Variants in TXNDC16 observed in about 807,000 individuals in gnomAD.
TXNDC16 encodes thioredoxin domain-containing protein 16.
In TXNDC16, 74 loss-of-function variants were observed where a neutral mutation model predicts 85.6. That is an observed-to-expected ratio of 0.86 (90% CI 0.72 to 1.05). The LOEUF (loss-of-function observed/expected upper bound fraction) is 1.05. Ranked by LOEUF, TXNDC16 falls within the 50% of genes least tolerant of loss-of-function variation. The probability of loss-of-function intolerance (pLI) is 0.00; values close to 1 mark genes in which losing one functional copy is unlikely to be tolerated. For missense variants in TXNDC16, 959 were observed against 947.0 expected, an observed-to-expected ratio of 1.01 and a Z score of -0.17; for synonymous variants, 335 against 326.5, an observed-to-expected ratio of 1.03 and a Z score of -0.28.
chr14:52,481,775 C>A (rs1216388803), intron 14 of TXNDC16, among the ~76,000 whole-genome samples: 1 of 152,040 alleles, frequency 6.6e-6, no homozygotes, highest in Non-Finnish European at 1.5e-5. Context: ...ATAAAAAGAT[C>A]CTGGATATTA....
At chr14:52,516,902 T>TCATAATCCTTGGGATTATGA (rs2037095961) in intron 7 of TXNDC16, among the ~76,000 whole-genome samples, 1 of 152,110 alleles carries the variant, frequency 6.6e-6, no homozygotes, top group African/African-American at 2.4e-5. Context: ...ACTACTCCTG[T>TCATAATCCTTGGGATTATGA]CATAATCCTT....
chr14:52,461,001 A>C (rs2035640156), intron 16 of TXNDC16, among the ~76,000 whole-genome samples: 1 of 151,644 alleles, frequency 6.6e-6, no homozygotes, highest in South Asian at 2.1e-4. Context: ...TTGTAATCTC[A>C]TAACAATTTT....
Position 52,432,219 on chromosome 14 carries a change from C to G in TXNDC16, c.*85G>C. 7.7e-7 allele frequency: 1 copy of G among 1,291,924 alleles called. No homozygotes were observed. The allele number at this position is 1,291,924 out of a possible 1,614,324, so 80.0% of individuals were successfully genotyped here. A position where few individuals can be genotyped will look rare whatever the true frequency, so the allele number is the denominator to read the frequency against. On this transcript the variant is annotated 3_prime_UTR_variant, in exon 21 of 21. Coordinates refer to ENST00000281741, the MANE Select transcript of TXNDC16 (RefSeq NM_020784.3). Reference sequence around the variant, plus strand: ...CTATTGGATGGCACTAGTCTGCAAACTTGAAATGATTTAATATTATTCTTT... The same window carrying G: ...CTATTGGATGGCACTAGTCTGCAAAGTTGAAATGATTTAATATTATTCTTT...
intron 12 of TXNDC16, among the ~76,000 whole-genome samples, chr14:52,486,597 C>T (rs373874864): frequency 1.2e-4 from 18 of 152,082 alleles, no homozygotes; most frequent in African/African-American, 4.1e-4. Flanking sequence ...GTGCACCTGT[C>T]TCTGATTTAC....
intron 6 of TXNDC16, among the ~76,000 whole-genome samples, chr14:52,530,232 C>CATATAATAATATACAATATATATT (rs1566581731): frequency 5.0e-5 from 2 of 40,068 alleles, no homozygotes; most frequent in African/African-American, 2.8e-4. Flanking sequence ...TATAATATTA[C>CATATAATAATATACAATATATATT]ATATAATAAT....
intron 18 of TXNDC16, among the ~76,000 whole-genome samples, chr14:52,447,694 T>TA (rs2140108056): frequency 6.6e-6 from 1 of 152,018 alleles, no homozygotes; most frequent in South Asian, 2.1e-4. Flanking sequence ...ATGAACCAAA[T>TA]AAGACACCAG....
intron 9 of TXNDC16, among the ~76,000 whole-genome samples, chr14:52,495,565 G>A (rs184093609): frequency 2.1e-4 from 32 of 152,302 alleles, no homozygotes; most frequent in Admixed American, 2.0e-4. Flanking sequence ...ATGATAAGGG[G>A]AGCTTATGGG....
rs1354213858 is a variant in TXNDC16, at chr14:52,492,442, A to G, written c.757-1437T>C. On this transcript the variant is annotated intron_variant, in intron 9 of 20. Transcript: ENST00000281741. ...TGCCTAAGAGACATAGACTTCTGCC[A>G]CTGCTACCCGCACCTTCTCTACCTT... Among the ~76,000 whole-genome samples, 11 of 152,140 alleles carry G rather than the reference A, an allele frequency of 7.2e-5. No individual in the cohort carries two copies. The East Asian group carries it at 1.9e-3, about 27-fold the overall frequency.
intron 12 of TXNDC16, among the ~76,000 whole-genome samples, chr14:52,484,860 G>A (rs552551145): frequency 5.3e-5 from 8 of 151,810 alleles, no homozygotes; most frequent in African/African-American, 1.2e-4. Context: ...CAGCCTGGGC[G>A]ACAAAAGTGA....
chr14:52,485,253 A>G (rs997055438), intron 12 of TXNDC16, among the ~76,000 whole-genome samples: 1 of 152,274 alleles, frequency 6.6e-6, no homozygotes, highest in Non-Finnish European at 1.5e-5. Context: ...CGTAAAACAT[A>G]AAAGTTTTAA....
At chr14:52,527,399 T>G (rs759098133) in intron 6 of TXNDC16, among the ~76,000 whole-genome samples, 1 of 152,210 alleles carries the variant, frequency 6.6e-6, no homozygotes, top group Non-Finnish European at 1.5e-5. Context: ...CACAGAAGTA[T>G]TCTACGTTTT....
At chr14:52,467,421 T>A (rs1902865) in intron 16 of TXNDC16, among the ~76,000 whole-genome samples, 61,648 of 151,936 alleles carry the variant, frequency 0.41, 13,005 homozygotes, top group African/African-American at 0.52. Context: ...TAACCCAATT[T>A]AAAAACAGGC....
chr14:52,470,647 C>T lies in TXNDC16; in HGVS notation c.1346G>A (p.Cys449Tyr), dbSNP rs1384877629. The T allele has an allele frequency of 6.2e-7, 1 of 1,612,182 alleles. No homozygotes were observed. The highest frequency in any genetic ancestry group is 1.1e-5 in the South Asian group (1 of 90,540). Reference sequence around the variant, plus strand: ...AGTACATACATCAGACCAATCTGCACAGTTTATTCTAGTAAGAAGCATAGT... The same window carrying T: ...AGTACATACATCAGACCAATCTGCATAGTTTATTCTAGTAAGAAGCATAGT... Reference protein sequence around the residue: ...TSTMLLTRINCADWSDVCTKQ... With the variant: ...TSTMLLTRINYADWSDVCTKQ... The change falls in exon 15 of 21, where the codon TGT (cysteine) becomes TAT (tyrosine). Residue 449 changes from cysteine to tyrosine, a missense_variant. Cys to Tyr is a radical substitution (Grantham distance 194). Coordinates refer to ENST00000281741, the MANE Select transcript of TXNDC16 (RefSeq NM_020784.3).
At chr14:52,471,515 C>T (rs1218331881) in intron 14 of TXNDC16, among the ~76,000 whole-genome samples, 1 of 152,194 alleles carries the variant, frequency 6.6e-6, no homozygotes, top group African/African-American at 2.4e-5. Context: ...CAGTGATCTA[C>T]ATCAGGTTCC....
At chr14:52,504,597 T>C (rs1157531776) in intron 9 of TXNDC16, among the ~76,000 whole-genome samples, 1 of 152,154 alleles carries the variant, frequency 6.6e-6, no homozygotes, top group Non-Finnish European at 1.5e-5. Flanking sequence ...GAACAACCGG[T>C]ACCAGCCACT....
At chr14:52,483,614 T>C (rs1452660115) in intron 12 of TXNDC16, among the ~76,000 whole-genome samples, 2 of 152,184 alleles carry the variant, frequency 1.3e-5, no homozygotes, top group Non-Finnish European at 2.9e-5. Context: ...GAGAAAACTC[T>C]AGGCTAGGCA....
rs1566582585 is a variant in TXNDC16 at position 52,530,423 on chromosome 14, AT to A, written c.392+6295del. Among the ~76,000 whole-genome samples the A allele has an allele frequency of 7.0e-3, 70 of 10,056 alleles. 14 individuals carry two copies. The highest frequency in any genetic ancestry group is 0.042 in the African/African-American group (65 of 1,540). The allele number at this position is 10,056 out of a possible 152,430, so 6.6% of individuals were successfully genotyped here. ...TAATATATAATTATTATATAATATTATATATAATAATATATAATATATTATT... is the reference window on the plus strand; with the variant it reads ...TAATATATAATTATTATATAATATTAATATAATAATATATAATATATTATT... On this transcript the variant is annotated intron_variant, in intron 6 of 20. Transcript: ENST00000281741.
At chr14:52,496,064 G>T (rs1415545724) in intron 9 of TXNDC16, among the ~76,000 whole-genome samples, 1 of 151,918 alleles carries the variant, frequency 6.6e-6, no homozygotes, top group East Asian at 1.9e-4. Flanking sequence ...GGAGGCTGAG[G>T]CAGGAGAATG....
In TXNDC16 at chr14:52,491,012, TGAA is replaced by T. The variant is rs1566557409; in HGVS notation, c.757-10_757-8del. ...GATCTTCAGCAACTTCAGTCTTCAT[TGAA>T]AAAAAAAAAAAAAAAAGGTGTGATA... On this transcript the variant is annotated splice_region_variant and splice_polypyrimidine_tract_variant and intron_variant, in intron 9 of 20. Coordinates refer to ENST00000281741, the MANE Select transcript of TXNDC16 (RefSeq NM_020784.3). The T allele has an allele frequency of 4.4e-6, 6 of 1,369,858 alleles. No homozygotes were observed. The highest frequency in any genetic ancestry group is 3.1e-5 in the Admixed American group (1 of 31,964). The allele number at this position is 1,369,858 out of a possible 1,614,324, so 84.9% of individuals were successfully genotyped here. A position where few individuals can be genotyped will look rare whatever the true frequency, so the allele number is the denominator to read the frequency against.
Sources: allele counts gnomAD v4.1 joint callset (sites outside exome capture counted in the v4.1 genomes callset), GRCh38; gene constraint gnomAD v4.1.1; transcripts MANE v1.5; gene names NCBI Gene and HGNC (gene_info 2026-07-23, HGNC 2026-07-21).